The following ZNF577 variants were observed in gnomAD, a reference collection of about 807,000 sequenced individuals.
The protein encoded by ZNF577 is zinc finger protein 577.
A neutral mutation model predicts 13.9 loss-of-function variants in ZNF577; 14 were observed. The ratio of observed to expected loss-of-function variants is 1.00; its 90% CI spans 0.66 to 1.57. ZNF577 has a LOEUF of 1.57. Ranked by LOEUF, ZNF577 falls within the 40% of genes most tolerant of loss-of-function variation. The pLI is 0.00. For synonymous variants in ZNF577, 203 were observed against 202.9 expected (o/e 1.00, Z 0.00); for missense variants, 555 against 579.2 (o/e 0.96, Z 0.43).
intron 9 of ZNF577, among the ~76,000 whole-genome samples, chr19:51,826,712 A>C (rs956981820): frequency 2.6e-5 from 4 of 152,206 alleles, no homozygotes; most frequent in Non-Finnish European, 4.4e-5. Flanking sequence ...GTTATCAGTC[A>C]AATCAGTTTC....
At chr19:51,805,570 G>A (rs1049264542) in intron 10 of ZNF577, among the ~76,000 whole-genome samples, 10 of 152,270 alleles carry the variant, frequency 6.6e-5, no homozygotes, top group African/African-American at 2.2e-4. Context: ...AAATGACAGC[G>A]CAATTGCCGC....
rs2084613115 is a variant in ZNF577, at chr19:51,869,089, G to T, written c.*3443C>A. Among the ~76,000 whole-genome samples, 1 of 152,158 alleles carries T rather than the reference G, an allele frequency of 6.6e-6. No individual in the cohort carries two copies. The highest frequency in any genetic ancestry group is 1.5e-5 in the Non-Finnish European group (1 of 68,032). On this transcript the variant is annotated 3_prime_UTR_variant, in exon 6 of 6. Transcript: ENST00000638348. The stretch of plus-strand genomic sequence containing the variant: ...AGACAGCCTGAGATATGGCCTCGTG[G>T]GAAGGGAAAGACCTGACCGTCCCCA...
chr19:51,813,591 C>T lies in ZNF577; in HGVS notation c.*600-1917G>A, dbSNP rs186881156. Among the ~76,000 whole-genome samples, 259 of 151,864 alleles carry T rather than the reference C, an allele frequency of 1.7e-3. 5 individuals carry two copies. In the East Asian group the frequency reaches 0.044, roughly 26 times the overall value. On this transcript the variant is annotated intron_variant and NMD_transcript_variant, in intron 9 of 10. Coordinates refer to the ZNF577 transcript ENST00000638827. The stretch of plus-strand genomic sequence containing the variant: ...TGTCACCTAGGCTGGAGTGCAGTGG[C>T]GTGATCTCGGCTCACTGCAAGCTCC...
chr19:51,837,301 C>T (rs578113758), intron 9 of ZNF577, among the ~76,000 whole-genome samples: 7 of 152,162 alleles, frequency 4.6e-5, no homozygotes, highest in Non-Finnish European at 8.8e-5. Context: ...TTGGTTAACA[C>T]AGCTCAGTCC....
At chr19:51,823,656 A>T in intron 9 of ZNF577, 1 of 1,050,990 alleles carries the variant, frequency 9.5e-7, no homozygotes, top group Non-Finnish European at 1.4e-6. Flanking sequence ...TGGTAGGAGG[A>T]GGAGCTACAG....
intron 9 of ZNF577, among the ~76,000 whole-genome samples, chr19:51,827,749 T>C (rs2122509329): frequency 6.6e-6 from 1 of 152,290 alleles, no homozygotes; most frequent in Middle Eastern, 3.4e-3. Context: ...TTTAAATAAA[T>C]AACTCATAAC....
At chr19:51,878,560 T>A in intron 3 of ZNF577, 45 bp from the exon 4 acceptor site, 1 of 1,610,098 alleles carries the variant, frequency 6.2e-7, no homozygotes, top group Non-Finnish European at 8.5e-7. Context: ...TAACAATAGA[T>A]GATGCGGAGA....
intron 9 of ZNF577, among the ~76,000 whole-genome samples, chr19:51,814,737 C>A (rs1463302049): frequency 6.6e-6 from 1 of 152,096 alleles, no homozygotes; most frequent in African/African-American, 2.4e-5. Flanking sequence ...GGGTGATCTG[C>A]CCACCTCGGC....
intron 5 of ZNF577, among the ~76,000 whole-genome samples, chr19:51,849,639 TA>T (rs2084370271): frequency 6.6e-6 from 1 of 152,166 alleles, no homozygotes; most frequent in Admixed American, 6.5e-5. Flanking sequence ...GCAGTACAAA[TA>T]AAGACAACGC....
At chr19:51,844,586 C>T (rs750463641) in intron 6 of ZNF577, among the ~76,000 whole-genome samples, 1 of 152,202 alleles carries the variant, frequency 6.6e-6, no homozygotes, top group Non-Finnish European at 1.5e-5. Context: ...CAGGACCCTA[C>T]GACATGGAGA....
intron 10 of ZNF577, among the ~76,000 whole-genome samples, chr19:51,806,308 C>T (rs1436807388): frequency 6.6e-6 from 1 of 152,198 alleles, no homozygotes; most frequent in African/African-American, 2.4e-5. Context: ...CTCCTGTAAA[C>T]ACACAAGCAT....
intron 9 of ZNF577, among the ~76,000 whole-genome samples, chr19:51,836,294 G>T (rs1275288337): frequency 2.0e-5 from 3 of 152,056 alleles, no homozygotes; most frequent in Non-Finnish European, 4.4e-5. Flanking sequence ...TGCCTTTATT[G>T]TCAGACACTT....
exon 11 of ZNF577, chr19:51,805,109 T>C (rs961596213): frequency 1.3e-5 from 2 of 152,362 alleles, no homozygotes; most frequent in Non-Finnish European, 2.9e-5. Context: ...TTTGATCATA[T>C]AGCCTCCAGT....
intron 1 of ZNF577, among the ~76,000 whole-genome samples, chr19:51,883,556 A>G (rs1355478615): frequency 6.6e-6 from 1 of 152,016 alleles, no homozygotes; most frequent in Non-Finnish European, 1.5e-5. Context: ...TCCTTCATGG[A>G]TGGTGCTGTG....
At position 51,824,900 on chromosome 19, in the gene ZNF577, C is replaced by T; in HGVS notation, c.*600-13226G>A. The T allele has an allele frequency of 1.1e-6, 1 of 920,890 alleles. No homozygotes were observed. The allele number at this position is 920,890 out of a possible 1,614,324, so 57.0% of individuals were successfully genotyped here. On this transcript the variant is annotated intron_variant and NMD_transcript_variant, in intron 9 of 10. Transcript: ENST00000638827. This position sits in a 1 kb window ranked among gnomAD's most constrained non-coding sequence, Gnocchi z 4.7. Reference sequence around the variant, plus strand: ...ACAGTGTTTTTCTTCCTCTTTCATACCACCACCACCACAATCATCAACATA... The same window carrying T: ...ACAGTGTTTTTCTTCCTCTTTCATATCACCACCACCACAATCATCAACATA...
rs562430725 is a variant in ZNF577, at chr19:51,820,124, T to C, written c.*600-8450A>G. On this transcript the variant is annotated intron_variant and NMD_transcript_variant, in intron 9 of 10. Coordinates refer to the ZNF577 transcript ENST00000638827. ...AGGCCATCAGCTGAGAGTGGAATAGTAGAGGAAGTTGGTTAGTTTGAGGAG... is the reference window on the plus strand; with the variant it reads ...AGGCCATCAGCTGAGAGTGGAATAGCAGAGGAAGTTGGTTAGTTTGAGGAG... Among the ~76,000 whole-genome samples the C allele has an allele frequency of 3.3e-5, 5 of 152,262 alleles. No individual in the cohort carries two copies. In the South Asian group the frequency reaches 1.0e-3, roughly 32 times the overall value.
intron 5 of ZNF577, among the ~76,000 whole-genome samples, chr19:51,857,366 G>GAAAGAAAGAA (rs2084437917): frequency 9.7e-5 from 2 of 20,572 alleles, no homozygotes; most frequent in East Asian, 1.3e-3. Context: ...AAGAAGGAAG[G>GAAAGAAAGAA]AAAGAAAGAA....
At chr19:51,853,940 G>A (rs2084393331) in intron 5 of ZNF577, among the ~76,000 whole-genome samples, 1 of 151,526 alleles carries the variant, frequency 6.6e-6, no homozygotes. Flanking sequence ...AAGCAAACTG[G>A]ATAGAAGAGC....
chr19:51,817,516 G>GTTTTTTTTTTTTTTTTTT (rs374226180), intron 9 of ZNF577, among the ~76,000 whole-genome samples: 1 of 145,478 alleles, frequency 6.9e-6, no homozygotes, highest in Non-Finnish European at 1.5e-5. Context: ...AATCTGTTTT[G>GTTTTTTTTTTTTTTTTTT]TTTTTTTTTT....
Sources: allele counts gnomAD v4.1 joint callset (sites outside exome capture counted in the v4.1 genomes callset), GRCh38; gene constraint gnomAD v4.1.1; non-coding constraint Gnocchi (gnomAD v3.1); transcripts MANE v1.5; gene names NCBI Gene and HGNC (gene_info 2026-07-23, HGNC 2026-07-21).